Variants in HYDIN observed in about 807,000 individuals in gnomAD.
HYDIN encodes the protein HYDIN axonemal central pair apparatus protein.
A neutral mutation model predicts 403.9 loss-of-function variants in HYDIN; 132 were observed. The observed-to-expected ratio is 0.33, with a 90% CI of 0.28 to 0.38. The LOEUF (loss-of-function observed/expected upper bound fraction) is 0.38. Ranked by LOEUF, HYDIN falls within the 10% of genes least tolerant of loss-of-function variation. HYDIN has a pLI of 1.00. For synonymous variants in HYDIN, 1,202 were observed against 1,891.7 expected (o/e 0.64, Z 9.46); for missense variants, 2,827 against 5,009.5 (o/e 0.56, Z 13.15).
chr16:71,038,793 T>G (rs1447807471), intron 18 of HYDIN, among the ~76,000 whole-genome samples: 1 of 151,886 alleles, frequency 6.6e-6, no homozygotes, highest in Non-Finnish European at 1.5e-5. Context: ...CCAGAGTAGC[T>G]GATTACAGGC....
chr16:70,922,832 A>G (rs1388057445), intron 45 of HYDIN, among the ~76,000 whole-genome samples: 1 of 128,526 alleles, frequency 7.8e-6, no homozygotes, highest in Non-Finnish European at 1.6e-5. Context: ...TAGTGGTATG[A>G]TCACAGCTTA....
intron 1 of HYDIN, among the ~76,000 whole-genome samples, chr16:71,205,456 T>G (rs974716201): frequency 2.0e-5 from 3 of 152,114 alleles, no homozygotes; most frequent in Non-Finnish European, 2.9e-5. Context: ...TCCCCAACAC[T>G]TATAGAATGA....
intron 9 of HYDIN, among the ~76,000 whole-genome samples, chr16:71,126,510 G>C (rs1187413834): frequency 6.6e-6 from 1 of 152,196 alleles, no homozygotes; most frequent in Non-Finnish European, 1.5e-5. Flanking sequence ...GCAGGGAAGA[G>C]CTGTCAGTCG....
intron 1 of HYDIN, among the ~76,000 whole-genome samples, chr16:71,195,428 T>C (rs1465035677): frequency 2.0e-5 from 3 of 152,182 alleles, no homozygotes; most frequent in African/African-American, 7.2e-5. Flanking sequence ...ATATTATTTT[T>C]ACCCCCAAAC....
chr16:70,883,315 C>A (rs2040925428), intron 59 of HYDIN, among the ~76,000 whole-genome samples: 1 of 150,242 alleles, frequency 6.7e-6, no homozygotes, highest in African/African-American at 2.4e-5. Context: ...CGGGAGTGGC[C>A]TGGCCATGAG....
chr16:71,123,955 A>T (rs2084353124), intron 9 of HYDIN, among the ~76,000 whole-genome samples: 1 of 152,104 alleles, frequency 6.6e-6, no homozygotes, highest in Non-Finnish European at 1.5e-5. Flanking sequence ...TAAATTACCC[A>T]GTCTCAGATG....
At chr16:71,163,154 G>A (rs1328091312) in intron 5 of HYDIN, among the ~76,000 whole-genome samples, 2 of 134,580 alleles carry the variant, frequency 1.5e-5, no homozygotes, top group Admixed American at 8.4e-5. Context: ...ACAGAGTCTC[G>A]CTCTGTCGCC....
intron 1 of HYDIN, among the ~76,000 whole-genome samples, chr16:71,229,321 TA>T (rs1025439746): frequency 6.6e-6 from 1 of 151,858 alleles, no homozygotes; most frequent in Non-Finnish European, 1.5e-5. Context: ...TATATACATA[TA>T]AAAAAAAGAT....
At position 71,131,897 on chromosome 16, in the gene HYDIN, G is replaced by C. The variant is rs1412243981; in HGVS notation, c.1044-2074C>G. The C allele has an allele frequency of 6.6e-5, 10 of 152,094 alleles. 1 individual carries two copies. Among genetic ancestry groups the C allele is most frequent in the African/African-American group, 2.4e-4 (10 of 41,394 alleles). 9.4% of individuals were successfully genotyped at this position (152,094 alleles called of 1,614,324 possible). A position where few individuals can be genotyped will look rare whatever the true frequency, so the allele number is the denominator to read the frequency against. On this transcript the variant is annotated intron_variant, in intron 8 of 85. Coordinates refer to ENST00000393567, the MANE Select transcript of HYDIN (RefSeq NM_001270974.2). Reference sequence around the variant, plus strand: ...AATATTAGGGAATAATAAGCAGCCAGTAAAGTGGTATTAAATGGAATACTT... The same window carrying C: ...AATATTAGGGAATAATAAGCAGCCACTAAAGTGGTATTAAATGGAATACTT...
intron 18 of HYDIN, among the ~76,000 whole-genome samples, chr16:71,055,954 C>A (rs2081870925): frequency 1.3e-5 from 2 of 152,094 alleles, no homozygotes; most frequent in Non-Finnish European, 2.9e-5. Flanking sequence ...GTCCTCCAGC[C>A]CAGTGCTGAG....
chr16:71,156,511 T>C (rs1159017324), intron 6 of HYDIN, among the ~76,000 whole-genome samples: 1 of 152,198 alleles, frequency 6.6e-6, no homozygotes, highest in Admixed American at 6.5e-5. Context: ...GATGGTTCAG[T>C]CTATCAAAAT....
chr16:70,982,084 C>T (rs1303908712), intron 28 of HYDIN, among the ~76,000 whole-genome samples: 1 of 146,566 alleles, frequency 6.8e-6, no homozygotes, highest in Non-Finnish European at 1.5e-5. Context: ...GCCGAGATCG[C>T]GCCACTGCAC....
chr16:70,855,003 T>C (rs2038926437), intron 73 of HYDIN, 125 bp downstream of exon 73: 1 of 695,498 alleles, frequency 1.4e-6, no homozygotes. Context: ...GGAGATGGAA[T>C]TGTTATGATG....
intron 5 of HYDIN, among the ~76,000 whole-genome samples, chr16:71,171,224 A>G (rs542607657): frequency 6.6e-6 from 1 of 152,298 alleles, no homozygotes; most frequent in African/African-American, 2.4e-5. Context: ...CTTCCCTCAG[A>G]TATTTGCACG....
chr16:70,811,000 C>T (rs2035463042), intron 84 of HYDIN, among the ~76,000 whole-genome samples: 1 of 152,098 alleles, frequency 6.6e-6, no homozygotes, highest in Non-Finnish European at 1.5e-5. Context: ...AGAATATATA[C>T]CACACTGTTA....
At chr16:71,165,210 G>C (rs2086165422) in intron 5 of HYDIN, among the ~76,000 whole-genome samples, 3 of 151,178 alleles carry the variant, frequency 2.0e-5, no homozygotes, top group African/African-American at 7.4e-5. Context: ...CCGTGGTCTG[G>C]TGCCCCCATC....
intron 71 of HYDIN, among the ~76,000 whole-genome samples, chr16:70,859,097 T>A (rs201720478): frequency 1.3e-5 from 2 of 151,058 alleles, no homozygotes; most frequent in Admixed American, 6.6e-5. Flanking sequence ...GTCAGGAGAT[T>A]GAGACCATCC....
intron 2 of HYDIN, among the ~76,000 whole-genome samples, chr16:71,185,968 T>C (rs150395193): frequency 6.6e-6 from 1 of 152,194 alleles, no homozygotes; most frequent in African/African-American, 2.4e-5. Flanking sequence ...AGCTTTCAAC[T>C]TGGTTAAGAT....
At chr16:70,944,763 A>G (rs1046051876) in intron 41 of HYDIN, among the ~76,000 whole-genome samples, 1 of 152,114 alleles carries the variant, frequency 6.6e-6, no homozygotes, top group Admixed American at 6.6e-5. Context: ...TTATTTTATT[A>G]TATTTTTGAG....
Sources: gnomAD v4.1 joint callset for allele counts (sites outside exome capture counted in the v4.1 genomes callset) on GRCh38, gnomAD v4.1.1 for gene constraint, MANE v1.5 for transcripts, NCBI Gene and HGNC (gene_info 2026-07-23, HGNC 2026-07-21) for gene names.